Variants in CDH12 observed in about 807,000 individuals in gnomAD.
The protein encoded by CDH12 is cadherin 12, also known as cadherin-12.
Under a neutral mutation model 74.1 loss-of-function variants are expected in CDH12, and 41 were observed. The observed-to-expected ratio is 0.55, with a 90% CI of 0.43 to 0.72. The LOEUF is 0.72. Among genes scored for constraint, CDH12 ranks in the 30% least tolerant of loss-of-function variants. The pLI, the probability that CDH12 is intolerant of heterozygous loss-of-function variation, is 0.00. For missense variants in CDH12, 945 were observed against 977.2 expected (o/e 0.97, Z 0.44); for synonymous variants, 399 against 355.0 (o/e 1.12, Z -1.39).
chr5:22,137,279 T>C (rs1440211028), intron 4 of CDH12, among the ~76,000 whole-genome samples: 3 of 152,094 alleles, frequency 2.0e-5, no homozygotes, highest in Non-Finnish European at 4.4e-5. Flanking sequence ...GGTGTGTGAC[T>C]GTGCATGCCA....
chr5:22,535,373 G>T (rs899611036), intron 1 of CDH12, among the ~76,000 whole-genome samples: 1 of 151,878 alleles, frequency 6.6e-6, no homozygotes, highest in African/African-American at 2.4e-5. Context: ...AGCCAGGATG[G>T]TCTCGATCTC....
At chr5:22,790,058 C>T (rs1747830786) in intron 1 of CDH12, among the ~76,000 whole-genome samples, 1 of 151,818 alleles carries the variant, frequency 6.6e-6, no homozygotes, top group Non-Finnish European at 1.5e-5. Flanking sequence ...CAGAATCAGC[C>T]TGCTTTTAAG....
intron 3 of CDH12, among the ~76,000 whole-genome samples, chr5:22,333,089 G>A (rs1298246513): frequency 6.6e-6 from 1 of 152,058 alleles, no homozygotes; most frequent in Non-Finnish European, 1.5e-5. Context: ...ATGATAGGCT[G>A]GATAAAGAAA....
chr5:22,405,117 G>T, intron 3 of CDH12, 140 bp downstream of exon 3: 1 of 156,130 alleles, frequency 6.4e-6, no homozygotes, highest in Non-Finnish European at 1.4e-5. Context: ...GACTGAGGCA[G>T]GAAAATGGCT....
At chr5:22,032,232 G>A (rs541817468) in intron 5 of CDH12, among the ~76,000 whole-genome samples, 3 of 151,854 alleles carry the variant, frequency 2.0e-5, no homozygotes, top group South Asian at 4.2e-4. Context: ...ATACATTCTG[G>A]GAATTACTGA....
intron 14 of CDH12, among the ~76,000 whole-genome samples, chr5:21,752,751 A>C (rs1744168190): frequency 6.6e-6 from 1 of 152,028 alleles, no homozygotes; most frequent in Non-Finnish European, 1.5e-5. Context: ...TAGAGGAAGG[A>C]AGGAAGAAAG....
rs544203567 is a variant in CDH12 at position 22,187,493 on chromosome 5, A to C, written c.-187+25005T>G. ...GGCCATTTAATCAAGATTCCCTTTA[A>C]ACTGGTGAATGCTAGCAGAATGTCT... On this transcript the variant is annotated intron_variant, in intron 4 of 14. Transcript: ENST00000382254. 3.5e-3 allele frequency among the ~76,000 whole-genome samples: 528 copies of C among 151,022 alleles called. 1 individual carries two copies. The highest frequency in any genetic ancestry group is 5.8e-3 in the Non-Finnish European group (390 of 67,680).
intron 9 of CDH12, among the ~76,000 whole-genome samples, chr5:21,803,514 C>T (rs1437558078): frequency 6.6e-6 from 1 of 152,180 alleles, no homozygotes; most frequent in East Asian, 1.9e-4. Context: ...TCAGTTTTAG[C>T]TTATCGCTGC....
chr5:21,805,384 G>A (rs1015132035), intron 9 of CDH12, among the ~76,000 whole-genome samples: 1 of 152,080 alleles, frequency 6.6e-6, no homozygotes, highest in Non-Finnish European at 1.5e-5. Flanking sequence ...AAAGAGATGA[G>A]ATGTATTCCA....
chr5:22,531,952 G>C (rs933467603), intron 1 of CDH12, among the ~76,000 whole-genome samples: 9 of 152,106 alleles, frequency 5.9e-5, no homozygotes, highest in African/African-American at 1.9e-4. Flanking sequence ...TGGTTCACCA[G>C]GCAGGGCTGA....
intron 2 of CDH12, among the ~76,000 whole-genome samples, chr5:22,446,966 T>C (rs1561410831): frequency 6.6e-6 from 1 of 152,070 alleles, no homozygotes; most frequent in Non-Finnish European, 1.5e-5. Context: ...TTCTCCCCAA[T>C]AGTGAGTGTG....
intron 1 of CDH12, among the ~76,000 whole-genome samples, chr5:22,810,387 G>C (rs1290394075): frequency 6.6e-6 from 1 of 152,126 alleles, no homozygotes; most frequent in Non-Finnish European, 1.5e-5. Flanking sequence ...TGAATTGCCA[G>C]TTGTTAAAAG....
chr5:22,135,209 C>CAAAAAAAAAA (rs5866550), intron 4 of CDH12, among the ~76,000 whole-genome samples: 4 of 119,402 alleles, frequency 3.4e-5, no homozygotes, highest in African/African-American at 6.1e-5. Context: ...AACACATAAG[C>CAAAAAAAAAA]AAAAAAAAAA....
chr5:22,240,596 C>A (rs549994587), intron 3 of CDH12, among the ~76,000 whole-genome samples: 1 of 152,226 alleles, frequency 6.6e-6, no homozygotes, highest in South Asian at 2.1e-4. Flanking sequence ...TGCAATGGTG[C>A]GATCTCGGCT....
intron 3 of CDH12, among the ~76,000 whole-genome samples, chr5:22,316,565 G>A (rs1433584193): frequency 6.6e-6 from 1 of 151,972 alleles, no homozygotes; most frequent in Non-Finnish European, 1.5e-5. Flanking sequence ...TACATGATGT[G>A]ATTGATTTTT....
At chr5:22,733,012 C>A (rs1405225365) in intron 1 of CDH12, among the ~76,000 whole-genome samples, 2 of 151,824 alleles carry the variant, frequency 1.3e-5, no homozygotes, top group Non-Finnish European at 1.5e-5. Context: ...ATGAGCAAAT[C>A]ATCTGAAATA....
chr5:22,415,167 AT>A (rs1355124418), intron 2 of CDH12, among the ~76,000 whole-genome samples: 1 of 151,318 alleles, frequency 6.6e-6, no homozygotes, highest in African/African-American at 2.5e-5. Flanking sequence ...CTCAGGTAGT[AT>A]TTTTAAAGTG....
chr5:22,412,441 C>T (rs1743204248), intron 2 of CDH12, among the ~76,000 whole-genome samples: 1 of 151,844 alleles, frequency 6.6e-6, no homozygotes, highest in South Asian at 2.1e-4. Context: ...CTGAATAGGG[C>T]TATAGCACAC....
At chr5:22,053,420 T>A (rs887050454) in intron 5 of CDH12, among the ~76,000 whole-genome samples, 1 of 152,134 alleles carries the variant, frequency 6.6e-6, no homozygotes, top group African/African-American at 2.4e-5. Context: ...AAGAGCTTGC[T>A]TTACTCTCTG....
Sources: gnomAD v4.1 joint callset for allele counts (sites outside exome capture counted in the v4.1 genomes callset) on GRCh38, gnomAD v4.1.1 for gene constraint, MANE v1.5 for transcripts, NCBI Gene and HGNC (gene_info 2026-07-23, HGNC 2026-07-21) for gene names.